The following ADAM28 variants were observed in gnomAD, a reference collection of about 807,000 sequenced individuals.
ADAM28 encodes disintegrin and metalloproteinase domain-containing protein 28.
A neutral mutation model predicts 101.2 loss-of-function variants in ADAM28; 105 were observed. The ratio of observed to expected loss-of-function variants is 1.04; its 90% CI spans 0.89 to 1.22. The LOEUF (loss-of-function observed/expected upper bound fraction) is 1.22. Among genes scored for constraint, ADAM28 ranks in the 50% most tolerant of loss-of-function variants. ADAM28 has a pLI of 0.00. For synonymous variants in ADAM28, 322 were observed against 310.6 expected, an observed-to-expected ratio of 1.04 and a Z score of -0.39; for missense variants, 1,028 against 945.4, an observed-to-expected ratio of 1.09 and a Z score of -1.15.
rs375598469 is a variant in ADAM28 at position 24,351,217 on chromosome 8, G to A, written c.2100-15G>A. On this transcript the variant is annotated splice_polypyrimidine_tract_variant and intron_variant, in intron 19 of 22. Coordinates refer to ENST00000265769, the MANE Select transcript of ADAM28 (RefSeq NM_014265.6). ...GCTGCTAAGTCAATTGATATCATGT[G>A]TTTCTCTCTTACAGGCCACTATCTA... The A allele has an allele frequency of 4.8e-5, 75 of 1,549,012 alleles. No homozygotes were observed. Among genetic ancestry groups the A allele is most frequent in the African/African-American group, 7.0e-5 (5 of 71,504 alleles).
At chr8:24,305,028 C>A (rs1287786808) in intron 2 of ADAM28, among the ~76,000 whole-genome samples, 1 of 151,862 alleles carries the variant, frequency 6.6e-6, no homozygotes, top group Non-Finnish European at 1.5e-5. Context: ...GTTAATAAAC[C>A]TTTATTTTAA....
chr8:24,334,380 G>A (rs533897491), intron 13 of ADAM28, among the ~76,000 whole-genome samples: 1 of 152,272 alleles, frequency 6.6e-6, no homozygotes, highest in African/African-American at 2.4e-5. Context: ...TCAAATTCCT[G>A]TCATCTAAAT....
At position 24,321,340 on chromosome 8, in the gene ADAM28, C is replaced by T. The variant is rs1226885187; in HGVS notation, c.720+51C>T. 3 of 1,428,520 alleles carry T rather than the reference C, an allele frequency of 2.1e-6. No individual in the cohort carries two copies. In the African/African-American group the frequency reaches 4.2e-5, roughly 20 times the overall value. 88.5% of individuals were successfully genotyped at this position (1,428,520 alleles called of 1,614,324 possible). A position where few individuals can be genotyped will look rare whatever the true frequency, so the allele number is the denominator to read the frequency against. On this transcript the variant is annotated intron_variant, in intron 8 of 22. Coordinates refer to ENST00000265769, the MANE Select transcript of ADAM28 (RefSeq NM_014265.6). Reference sequence around the variant, plus strand: ...TTTTAAACAGTTTGCTGGGAGATGTCACTGGGTTTTTCAATGAACGCACAT... The same window carrying T: ...TTTTAAACAGTTTGCTGGGAGATGTTACTGGGTTTTTCAATGAACGCACAT...
chr8:24,350,151 C>T (rs950894824), intron 19 of ADAM28, among the ~76,000 whole-genome samples, 179 bp downstream of exon 19: 11 of 152,140 alleles, frequency 7.2e-5, no homozygotes, highest in African/African-American at 2.7e-4. Flanking sequence ...AAATCCTTCA[C>T]ATCTAGAAAT....
At chr8:24,351,513 A>G (rs1328246849) in intron 20 of ADAM28, 1 of 632,216 alleles carries the variant, frequency 1.6e-6, no homozygotes. Context: ...AAATGCAAAC[A>G]GAATAAAGAG....
intron 2 of ADAM28, among the ~76,000 whole-genome samples, chr8:24,300,573 G>A (rs1383025774): frequency 4.6e-5 from 7 of 151,950 alleles, no homozygotes; most frequent in East Asian, 1.9e-4. Context: ...CCGCCACCAC[G>A]CTCGGCTAAT....
Position 24,331,185 on chromosome 8 carries a change from G to A in ADAM28, c.1139G>A (p.Arg380His), listed in dbSNP as rs760421202. 1.1e-5 allele frequency: 18 copies of A among 1,612,778 alleles called. No individual in the cohort carries two copies. The highest frequency in any genetic ancestry group is 2.7e-5 in the African/African-American group (2 of 74,814). ...YIPTDFSSCS[R>H]LSYDKFFEDK... Reference sequence around the variant, plus strand: ...CCCACAGACTTCAGTTCCTGCAGCCGTCTCAGCTATGACAAGTTTTTTGAA... The same window carrying A: ...CCCACAGACTTCAGTTCCTGCAGCCATCTCAGCTATGACAAGTTTTTTGAA... Residue 380 changes from arginine to histidine, a missense_variant, in exon 12 of 23, where the codon CGT becomes CAT. Coordinates refer to ENST00000265769, the MANE Select transcript of ADAM28 (RefSeq NM_014265.6).
intron 2 of ADAM28, among the ~76,000 whole-genome samples, chr8:24,301,622 T>C (rs530709101): frequency 6.6e-6 from 1 of 152,330 alleles, no homozygotes; most frequent in South Asian, 2.1e-4. Context: ...TAGGAGCACA[T>C]AGCTTATACG....
intron 10 of ADAM28, among the ~76,000 whole-genome samples, chr8:24,329,558 T>C (rs1028778929): frequency 1.3e-5 from 2 of 152,110 alleles, no homozygotes; most frequent in African/African-American, 2.4e-5. Context: ...TTGGCAATTA[T>C]GGAATTGAGA....
At chr8:24,341,472 A>T (rs1253858452) in intron 15 of ADAM28, 126 bp from the exon 16 acceptor site, 6 of 922,360 alleles carry the variant, frequency 6.5e-6, no homozygotes, top group Non-Finnish European at 1.0e-5. Flanking sequence ...AGGGAAAATG[A>T]GTGTAAAGTA....
At chr8:24,351,109 A>C in intron 19 of ADAM28, 123 bp from the exon 20 acceptor site, 1 of 722,808 alleles carries the variant, frequency 1.4e-6, no homozygotes, top group Non-Finnish European at 2.1e-6. Flanking sequence ...GAGCAGATAA[A>C]AACCCAGGCA....
chr8:24,300,065 G>T lies in ADAM28; in HGVS notation c.138G>T (p.Glu46Asp). The T allele has an allele frequency of 6.2e-7, 1 of 1,613,400 alleles. No homozygotes were observed. Reference protein sequence around the residue: ...LHPLHKREAKEPEQQEQFETE... With the variant: ...LHPLHKREAKDPEQQEQFETE... ...CACTGCATAAAAGAGAGGCCAAAGA[G>T]CCAGAGCAACAGGTACAGCTTTTGA... The change falls in exon 2 of 23, where the codon GAG becomes GAT. Residue 46 changes from glutamate (E) to aspartate (D), a missense_variant. Glu to Asp is a conservative substitution (Grantham distance 45). Coordinates refer to ENST00000265769, the MANE Select transcript of ADAM28 (RefSeq NM_014265.6).
Position 24,330,124 on chromosome 8 carries a change from C to T in ADAM28, c.1103+9C>T, listed in dbSNP as rs1225260487. The T allele has an allele frequency of 2.5e-6, 4 of 1,611,488 alleles. No homozygotes were observed. Among genetic ancestry groups the T allele is most frequent in the Admixed American group, 1.7e-5 (1 of 59,862 alleles). ...ATGGACAAAGCACTGAGGTGAGGCT[C>T]TCTGGGCCCTGGGGACATGCTATGT... On this transcript the variant is annotated intron_variant, in intron 11 of 22. Transcript: ENST00000265769.
In ADAM28 at chr8:24,335,603, C is replaced by G. The variant is rs1181059051; in HGVS notation, c.1529C>G (p.Pro510Arg). ...GGCCACTGCTTGATGGGGACATGCC[C>G]CACACTGCAGGAGCAGTGCACAGAG... The part of the protein sequence containing the change: ...GKGHCLMGTC[P>R]TLQEQCTELW... The change falls in exon 14 of 23, where the codon CCC becomes CGC. Residue 510 changes from proline to arginine, a missense_variant. By Grantham distance (103) the Pro-to-Arg change is moderately radical (BLOSUM62 -2). Coordinates refer to ENST00000265769, the MANE Select transcript of ADAM28 (RefSeq NM_014265.6). 6.2e-7 allele frequency: 1 copy of G among 1,613,100 alleles called. No homozygotes were observed. Among genetic ancestry groups the G allele is most frequent in the East Asian group, 2.2e-5 (1 of 44,818 alleles).
intron 1 of ADAM28, 59 bp from the exon 2 acceptor site, chr8:24,299,915 T>C: frequency 7.4e-7 from 1 of 1,355,460 alleles, no homozygotes; most frequent in Non-Finnish European, 1.0e-6. Flanking sequence ...GGATGGCCTT[T>C]ACTGACCAGC....
chr8:24,295,913 C>G (rs780092351), intron 1 of ADAM28: 21 of 152,218 alleles, frequency 1.4e-4, no homozygotes, highest in Admixed American at 3.3e-4. Flanking sequence ...CCCCCATCAT[C>G]AAAGCAATAC....
intron 11 of ADAM28, among the ~76,000 whole-genome samples, chr8:24,330,803 A>G (rs1365900522): frequency 6.6e-6 from 1 of 152,190 alleles, no homozygotes; most frequent in Non-Finnish European, 1.5e-5. Flanking sequence ...TATCAATAGG[A>G]ATTCCTCTAA....
chr8:24,295,378 G>A (rs1384490531), intron 1 of ADAM28, among the ~76,000 whole-genome samples: 1 of 151,958 alleles, frequency 6.6e-6, no homozygotes, highest in Non-Finnish European at 1.5e-5. Flanking sequence ...GGTAAAATAA[G>A]CCTGAAATAT....
intron 1 of ADAM28, among the ~76,000 whole-genome samples, chr8:24,297,655 C>T (rs553033850): frequency 6.6e-6 from 1 of 152,210 alleles, no homozygotes; most frequent in African/African-American, 2.4e-5. Context: ...ATGTACCAGG[C>T]AGCACGTGGG....
Sources: gnomAD v4.1 joint callset for allele counts (sites outside exome capture counted in the v4.1 genomes callset) on GRCh38, gnomAD v4.1.1 for gene constraint, MANE v1.5 for transcripts, NCBI Gene and HGNC (gene_info 2026-07-23, HGNC 2026-07-21) for gene names.